ITGA9: variants seen among roughly 807,000 people sequenced by gnomAD.
ITGA9 encodes integrin alpha-9.
Under a neutral mutation model 127.8 loss-of-function variants are expected in ITGA9, and 56 were observed. The ratio of observed to expected loss-of-function variants is 0.44; its 90% confidence interval spans 0.35 to 0.55. The LOEUF is 0.55. Among genes scored for constraint, ITGA9 ranks in the 20% least tolerant of loss-of-function variants. The probability of loss-of-function intolerance (pLI) is 0.00; values close to 1 mark genes in which losing one functional copy is unlikely to be tolerated. For synonymous variants in ITGA9, 508 were observed against 514.5 expected (o/e 0.99, Z 0.17); for missense variants, 1,196 against 1,347.1 (o/e 0.89, Z 1.76).
intron 18 of ITGA9, among the ~76,000 whole-genome samples, chr3:37,716,536 C>A (rs1326513096): frequency 6.7e-6 from 1 of 150,158 alleles, no homozygotes; most frequent in Non-Finnish European, 1.5e-5. Flanking sequence ...AGTAAATGGC[C>A]AATTTATCTC....
intron 18 of ITGA9, 21 bp downstream of exon 18, chr3:37,684,036 A>C: frequency 6.2e-7 from 1 of 1,608,910 alleles, no homozygotes; most frequent in Non-Finnish European, 8.5e-7. Context: ...CATCCCTGTA[A>C]AAAGAGCAGT....
At chr3:37,736,799 A>G in intron 19 of ITGA9, 105 bp from the exon 20 acceptor site, 1 of 792,276 alleles carries the variant, frequency 1.3e-6, no homozygotes, top group East Asian at 2.5e-5. Flanking sequence ...ACTAAAGCTT[A>G]TCATGCAAAT....
intron 17 of ITGA9, among the ~76,000 whole-genome samples, chr3:37,681,815 C>T (rs1454519177): frequency 2.0e-5 from 3 of 151,994 alleles, no homozygotes; most frequent in African/African-American, 7.2e-5. Flanking sequence ...GTCCTGGGCC[C>T]CCATTTCCCT....
Position 37,490,974 on chromosome 3 carries a change from G to T in ITGA9, c.545-3527G>T, listed in dbSNP as rs267525. On this transcript the variant is annotated intron_variant, in intron 4 of 27. Transcript: ENST00000264741. The stretch of plus-strand genomic sequence containing the variant: ...GGGTCTCAGATTTGGCTTCCCCCCC[G>T]CTTTTTTTTTTTTTTTTTTTGAGAC... Among the ~76,000 whole-genome samples the T allele has an allele frequency of 2.6e-3, 313 of 121,852 alleles. 13 individuals are homozygous for T. The highest frequency in any genetic ancestry group is 9.5e-3 in the African/African-American group (293 of 30,728). 79.9% of individuals were successfully genotyped at this position (121,852 alleles called of 152,430 possible). A position where few individuals can be genotyped will look rare whatever the true frequency, so the allele number is the denominator to read the frequency against.
At chr3:37,722,926 T>G (rs565677068) in intron 18 of ITGA9, among the ~76,000 whole-genome samples, 48 of 152,344 alleles carry the variant, frequency 3.2e-4, no homozygotes, top group African/African-American at 1.1e-3. Flanking sequence ...TATTTTACAT[T>G]CCCATCAGTA....
chr3:37,462,788 T>G (rs545729642), intron 1 of ITGA9, among the ~76,000 whole-genome samples: 17 of 152,362 alleles, frequency 1.1e-4, no homozygotes, highest in African/African-American at 4.1e-4. Context: ...CAGGCCATCC[T>G]GGGGTGCATG....
rs921838986 is a variant in ITGA9, at chr3:37,820,899, A to C, written c.*1910A>C. 5 of 152,256 alleles carry C rather than the reference A, an allele frequency of 3.3e-5. No homozygotes were observed. The highest frequency in any genetic ancestry group is 7.3e-5 in the Non-Finnish European group (5 of 68,050). 9.4% of individuals were successfully genotyped at this position (152,256 alleles called of 1,614,324 possible). Reference sequence around the variant, plus strand: ...TTGGGAGTCCGTGAACATTGTCAAAAAGACATCAAACTCAACTTCTGGGAA... The same window carrying C: ...TTGGGAGTCCGTGAACATTGTCAAACAGACATCAAACTCAACTTCTGGGAA... On this transcript the variant is annotated 3_prime_UTR_variant, in exon 28 of 28. Transcript: ENST00000264741.
chr3:37,666,493 C>G (rs1171956121), intron 17 of ITGA9, among the ~76,000 whole-genome samples: 1 of 152,168 alleles, frequency 6.6e-6, no homozygotes, highest in Non-Finnish European at 1.5e-5. Context: ...CCTCTTGCAT[C>G]TGCAGGCAAC....
intron 16 of ITGA9, among the ~76,000 whole-genome samples, chr3:37,649,558 C>T (rs1358712506): frequency 6.6e-6 from 1 of 152,116 alleles, no homozygotes; most frequent in Non-Finnish European, 1.5e-5. Context: ...ATCAGAGCAC[C>T]TAAGTATATA....
chr3:37,668,357 C>T (rs1313863052), intron 17 of ITGA9, among the ~76,000 whole-genome samples: 2 of 152,154 alleles, frequency 1.3e-5, no homozygotes, highest in Admixed American at 6.5e-5. Context: ...GCAGTGTTTT[C>T]CTTGGCTTCC....
At chr3:37,480,802 C>T (rs1426442367) in intron 3 of ITGA9, among the ~76,000 whole-genome samples, 1 of 152,160 alleles carries the variant, frequency 6.6e-6, no homozygotes, top group Non-Finnish European at 1.5e-5. Flanking sequence ...TCTCCACTGC[C>T]CCTCCTGGTC....
chr3:37,542,598 C>G lies in ITGA9; in HGVS notation c.1689+13C>G. ...GGCCCATGTGAAGGTCAGTCCTCTC[C>G]TCCTTTTTATCCTCAAACTTTGATC... On this transcript the variant is annotated intron_variant, in intron 15 of 27. Transcript: ENST00000264741. 5.0e-6 allele frequency: 8 copies of G among 1,613,838 alleles called. No homozygotes were observed. The highest frequency in any genetic ancestry group is 1.7e-4 in the Middle Eastern group (1 of 6,058).
At chr3:37,482,110 G>A (rs2125559123) in intron 4 of ITGA9, among the ~76,000 whole-genome samples, 1 of 152,350 alleles carries the variant, frequency 6.6e-6, no homozygotes. Flanking sequence ...ATGTCCTGAG[G>A]CTGGGGGGAG....
intron 15 of ITGA9, among the ~76,000 whole-genome samples, chr3:37,584,626 G>T (rs56043164): frequency 2.8e-4 from 43 of 152,156 alleles, no homozygotes; most frequent in African/African-American, 9.9e-4. Context: ...ATGGTGGCAT[G>T]TATCTGTAGT....
In ITGA9 at chr3:37,572,050, T is replaced by G. The variant is rs375989869; in HGVS notation, c.1689+29465T>G. Among the ~76,000 whole-genome samples the G allele has an allele frequency of 9.9e-5, 15 of 152,146 alleles. No homozygotes were observed. In the South Asian group the frequency reaches 2.9e-3, roughly 30 times the overall value. ...AGCCCGTTGAGTTTTGTCTCAGGAT[T>G]TCAGCGGAATCCAAACCATGTGACA... On this transcript the variant is annotated intron_variant, in intron 15 of 27. Coordinates refer to ENST00000264741, the MANE Select transcript of ITGA9 (RefSeq NM_002207.3).
At chr3:37,572,360 G>T (rs551863214) in intron 15 of ITGA9, among the ~76,000 whole-genome samples, 3 of 152,100 alleles carry the variant, frequency 2.0e-5, no homozygotes, top group Non-Finnish European at 4.4e-5. Context: ...GAAAATGACC[G>T]CAAGAAGGCC....
intron 15 of ITGA9, among the ~76,000 whole-genome samples, chr3:37,561,599 G>A (rs547889645): frequency 6.6e-6 from 1 of 152,212 alleles, no homozygotes; most frequent in African/African-American, 2.4e-5. Flanking sequence ...AGCTCCATTA[G>A]CATGGTGATG....
intron 25 of ITGA9, among the ~76,000 whole-genome samples, chr3:37,782,893 A>C (rs1024115533): frequency 6.6e-6 from 1 of 152,208 alleles, no homozygotes; most frequent in Non-Finnish European, 1.5e-5. Context: ...TAATCCCAGC[A>C]CTTTGGGAGG....
chr3:37,560,658 A>G (rs566201689), intron 15 of ITGA9, among the ~76,000 whole-genome samples: 8 of 152,094 alleles, frequency 5.3e-5, no homozygotes, highest in Admixed American at 3.3e-4. Context: ...CTGGCATGAG[A>G]TGGTATCTCA....
Sources: gnomAD v4.1 joint callset for allele counts (sites outside exome capture counted in the v4.1 genomes callset) on GRCh38, gnomAD v4.1.1 for gene constraint, MANE v1.5 for transcripts, NCBI Gene and HGNC (gene_info 2026-07-23, HGNC 2026-07-21) for gene names.